Variants in ASB3 observed in about 807,000 individuals in gnomAD.
ASB3 encodes the protein ankyrin repeat and SOCS box containing 3, also known as ankyrin repeat and SOCS box protein 3.
In ASB3, 41 loss-of-function variants were observed where a neutral mutation model predicts 54.5. The observed-to-expected ratio is 0.75, with a 90% CI of 0.59 to 0.98. The LOEUF (loss-of-function observed/expected upper bound fraction) is 0.98, where lower values mean the gene tolerates loss of function less well. Among genes scored for constraint, ASB3 ranks in the 50% least tolerant of loss-of-function variants. The pLI is 0.00. For synonymous variants in ASB3, 266 were observed against 221.2 expected, an observed-to-expected ratio of 1.20 and a Z score of -1.80; for missense variants, 733 against 620.0, an observed-to-expected ratio of 1.18 and a Z score of -1.94.
chr2:53,675,432 A>C (rs182933547), intron 9 of ASB3, among the ~76,000 whole-genome samples: 86 of 152,296 alleles, frequency 5.6e-4, no homozygotes, highest in African/African-American at 2.0e-3. Flanking sequence ...ATATTTTAAC[A>C]AGAACAAGGT....
intron 1 of ASB3, chr2:53,767,723 C>T: frequency 1.3e-6 from 1 of 780,242 alleles, no homozygotes; most frequent in South Asian, 1.9e-5. Context: ...GAGATCCGCT[C>T]GGAAAATCTT....
chr2:53,724,651 G>C (rs1343507552), intron 5 of ASB3, among the ~76,000 whole-genome samples: 1 of 149,164 alleles, frequency 6.7e-6, no homozygotes, highest in East Asian at 1.9e-4. Flanking sequence ...CTCAAAAGAA[G>C]ACATAGAAGC....
At position 53,725,496 on chromosome 2, in the gene ASB3, C is replaced by T. The variant is rs188722399; in HGVS notation, c.604+3216G>A. On this transcript the variant is annotated intron_variant, in intron 5 of 9. Coordinates refer to ENST00000263634, the MANE Select transcript of ASB3 (RefSeq NM_016115.5). ...CACAAATCTAATTAAATTATATATA[C>T]GCCATTGTATAAAGATTTTTAAAAG... 1.1e-4 allele frequency among the ~76,000 whole-genome samples: 16 copies of T among 152,142 alleles called. No individual in the cohort carries two copies. In the East Asian group the frequency reaches 1.3e-3, roughly 13 times the overall value.
chr2:53,765,529 C>G lies in ASB3; in HGVS notation c.44G>C (p.Gly15Ala). The change falls in exon 2 of 10, where the codon GGA becomes GCA. Residue 15 changes from glycine (G) to alanine (A), a missense_variant. By Grantham distance (60) the Gly-to-Ala change is moderately conservative. Transcript: ENST00000263634. ...AACATTGCCTTCCCTGGCAGCAAGT[C>G]CAACTGTAGAGCACGTGTCCGCGTA... ...EAYADTCSTVGLAAREGNVKV... is the reference protein window; with the variant it reads ...EAYADTCSTVALAAREGNVKV... 6.2e-7 allele frequency: 1 copy of G among 1,614,222 alleles called. No homozygotes were observed. Among genetic ancestry groups the G allele is most frequent in the Middle Eastern group, 1.6e-4 (1 of 6,062 alleles).
At chr2:53,699,788 T>A (rs540405025) in intron 8 of ASB3, among the ~76,000 whole-genome samples, 2 of 152,256 alleles carry the variant, frequency 1.3e-5, no homozygotes, top group East Asian at 3.9e-4. Flanking sequence ...TCACTGAGGG[T>A]TGCCCTTCTG....
At chr2:53,716,420 G>C (rs1047788873) in intron 6 of ASB3, 146 bp downstream of exon 6, 14 of 985,770 alleles carry the variant, frequency 1.4e-5, no homozygotes, top group East Asian at 1.3e-4. Flanking sequence ...ATGAAGGACA[G>C]ATTAGGGGTA....
intron 9 of ASB3, among the ~76,000 whole-genome samples, chr2:53,686,733 A>C (rs1186793140): frequency 1.3e-5 from 2 of 151,866 alleles, no homozygotes; most frequent in African/African-American, 4.8e-5. Context: ...ATTTTCTGAG[A>C]GAGACAGAGT....
intron 5 of ASB3, among the ~76,000 whole-genome samples, chr2:53,719,150 CTT>C (rs957475480): frequency 9.2e-5 from 14 of 152,146 alleles, no homozygotes; most frequent in African/African-American, 3.4e-4. Context: ...GTCTTGATCT[CTT>C]GACCTCGTGA....
intron 7 of ASB3, among the ~76,000 whole-genome samples, chr2:53,703,396 C>T (rs1190824711): frequency 6.6e-6 from 1 of 152,120 alleles, no homozygotes; most frequent in East Asian, 1.9e-4. Flanking sequence ...CAAAGAATAC[C>T]TACCAAAAAT....
chr2:53,714,444 T>C lies in ASB3; in HGVS notation c.920A>G (p.Asp307Gly). The change falls in exon 7 of 10, where the codon GAC (aspartate) becomes GGC (glycine). Residue 307 changes from aspartate (D) to glycine (G), a missense_variant. Asp to Gly is a moderately conservative substitution (Grantham distance 94). Transcript: ENST00000263634. ...EILLRNGYSP[D>G]AQACLVFGFS... is the part of the protein sequence containing the mutation. Reference sequence around the variant, plus strand: ...TCCAAAAACAAGGCACGCCTGGGCGTCTGGGCTGTAGCCATTCCGGAGTAA... The same window carrying C: ...TCCAAAAACAAGGCACGCCTGGGCGCCTGGGCTGTAGCCATTCCGGAGTAA... 1.9e-6 allele frequency: 3 copies of C among 1,614,234 alleles called. No homozygotes were observed. Among genetic ancestry groups the C allele is most frequent in the East Asian group, 4.5e-5 (2 of 44,886 alleles).
At chr2:53,696,958 G>C (rs1368782354) in intron 8 of ASB3, among the ~76,000 whole-genome samples, 2 of 152,112 alleles carry the variant, frequency 1.3e-5, no homozygotes, top group African/African-American at 4.8e-5. Context: ...ATAAGGCTGA[G>C]ACCTATTGGG....
chr2:53,755,814 T>C (rs1295039374), intron 2 of ASB3, among the ~76,000 whole-genome samples: 1 of 152,076 alleles, frequency 6.6e-6, no homozygotes, highest in East Asian at 1.9e-4. Context: ...GAAACACATA[T>C]AACACCGAAG....
intron 3 of ASB3, among the ~76,000 whole-genome samples, chr2:53,743,550 A>G (rs1672052297): frequency 6.6e-6 from 1 of 152,214 alleles, no homozygotes. Context: ...ATAACTGACA[A>G]AAGTTGGAAA....
chr2:53,779,304 G>C lies in ASB3; in HGVS notation c.-14+7517C>G, dbSNP rs560571822. Among the ~76,000 whole-genome samples the C allele has an allele frequency of 2.5e-3, 383 of 152,176 alleles. 1 individual carries two copies. Among genetic ancestry groups the C allele is most frequent in the Non-Finnish European group, 3.7e-3 (254 of 68,024 alleles). ...ATTTTAATCCCTTATCTCATGTATG[G>C]CTTGCAAATATTTCCTCCCAATCCA... On this transcript the variant is annotated intron_variant, in intron 1 of 9. Transcript: ENST00000263634.
intron 5 of ASB3, 38 bp downstream of exon 5, chr2:53,728,674 A>G: frequency 6.9e-7 from 1 of 1,446,744 alleles, no homozygotes; most frequent in Non-Finnish European, 9.2e-7. Flanking sequence ...TTTAAAGCTC[A>G]TGATCTTAAC....
chr2:53,678,618 T>C (rs1010592871), intron 9 of ASB3, among the ~76,000 whole-genome samples: 1 of 152,140 alleles, frequency 6.6e-6, no homozygotes, highest in African/African-American at 2.4e-5. Context: ...TGCACCCGAC[T>C]TTGGGAAATC....
At chr2:53,762,411 T>C (rs1347709290) in intron 2 of ASB3, among the ~76,000 whole-genome samples, 1 of 152,182 alleles carries the variant, frequency 6.6e-6, no homozygotes, top group Non-Finnish European at 1.5e-5. Context: ...TCACTAGAAT[T>C]CAGGTCCATC....
intron 9 of ASB3, among the ~76,000 whole-genome samples, chr2:53,683,865 T>C (rs1231829715): frequency 3.3e-5 from 5 of 152,142 alleles, no homozygotes; most frequent in African/African-American, 1.2e-4. Context: ...TCTGGCTAAA[T>C]GTTCGTTAGT....
intron 9 of ASB3, among the ~76,000 whole-genome samples, chr2:53,685,756 T>C (rs563886286): frequency 4.6e-5 from 7 of 152,334 alleles, no homozygotes; most frequent in East Asian, 1.9e-4. Flanking sequence ...ACATGAACCA[T>C]GTTACAAAGA....
Sources: gnomAD v4.1 joint callset for allele counts (sites outside exome capture counted in the v4.1 genomes callset) on GRCh38, gnomAD v4.1.1 for gene constraint, MANE v1.5 for transcripts, NCBI Gene and HGNC (gene_info 2026-07-23, HGNC 2026-07-21) for gene names.